The following RTN1 variants were observed in gnomAD, a reference collection of about 807,000 sequenced individuals.
RTN1 encodes reticulon-1.
A neutral mutation model predicts 65.5 loss-of-function variants in RTN1; 25 were observed. The ratio of observed to expected loss-of-function variants is 0.38; its 90% confidence interval spans 0.28 to 0.53. The LOEUF (loss-of-function observed/expected upper bound fraction) is 0.53. Among genes scored for constraint, RTN1 ranks in the 20% least tolerant of loss-of-function variants. The probability of loss-of-function intolerance (pLI) is 0.79; values close to 1 mark genes in which losing one functional copy is unlikely to be tolerated. For missense variants in RTN1, 983 were observed against 1,025.4 expected (o/e 0.96, Z 0.57); for synonymous variants, 471 against 447.6 (o/e 1.05, Z -0.66).
intron 3 of RTN1, among the ~76,000 whole-genome samples, chr14:59,612,329 T>C (rs1881975853): frequency 1.3e-5 from 2 of 152,138 alleles, no homozygotes; most frequent in African/African-American, 4.8e-5. Flanking sequence ...CACTCCATTC[T>C]TCTGGAAGCT....
chr14:59,823,534 C>T (rs1173338566), intron 1 of RTN1, among the ~76,000 whole-genome samples: 1 of 152,004 alleles, frequency 6.6e-6, no homozygotes, highest in Admixed American at 6.6e-5. Flanking sequence ...ACTTATGAAG[C>T]TTAGTCTGGT....
chr14:59,781,919 T>C (rs757306711), intron 1 of RTN1, among the ~76,000 whole-genome samples: 4 of 152,148 alleles, frequency 2.6e-5, no homozygotes, highest in Non-Finnish European at 5.9e-5. Flanking sequence ...GTGACCTGTA[T>C]GTTTGTGTGT....
intron 3 of RTN1, among the ~76,000 whole-genome samples, chr14:59,713,762 GACA>G (rs548688555): frequency 2.2e-3 from 332 of 152,230 alleles, no homozygotes; most frequent in African/African-American, 7.4e-3. Flanking sequence ...AGTTTTTAAT[GACA>G]ACATTTCAGG....
At chr14:59,746,518 C>A (rs375663465) in intron 1 of RTN1, 37 bp from the exon 2 acceptor site, 5 of 1,524,522 alleles carry the variant, frequency 3.3e-6, no homozygotes, top group Admixed American at 2.0e-5. Context: ...TGAGTGGGTG[C>A]TTGGCGTCAG....
intron 1 of RTN1, among the ~76,000 whole-genome samples, chr14:59,756,897 T>C (rs111585609): frequency 0.016 from 2,354 of 148,970 alleles, 61 homozygotes; most frequent in African/African-American, 0.056. Context: ...CCATCATGAC[T>C]CCTGCAGCCT....
chr14:59,771,768 T>C (rs564634967), intron 1 of RTN1, among the ~76,000 whole-genome samples: 1 of 152,234 alleles, frequency 6.6e-6, no homozygotes, highest in Non-Finnish European at 1.5e-5. Flanking sequence ...ATTATCCTTA[T>C]CAGTAAATAG....
At chr14:59,741,026 AG>A (rs1885106046) in intron 2 of RTN1, among the ~76,000 whole-genome samples, 1 of 152,222 alleles carries the variant, frequency 6.6e-6, no homozygotes, top group Admixed American at 6.6e-5. Context: ...GGGCTATTTT[AG>A]TAAGTTGCAG....
At chr14:59,616,168 T>C (rs1454876288) in intron 3 of RTN1, among the ~76,000 whole-genome samples, 1 of 152,170 alleles carries the variant, frequency 6.6e-6, no homozygotes, top group Admixed American at 6.5e-5. Context: ...TTGGTCTATA[T>C]TTGTGTAAAT....
In RTN1 at chr14:59,869,714, C is replaced by A. The variant is rs796767137; in HGVS notation, c.241+676G>T. On this transcript the variant is annotated intron_variant, in intron 1 of 8. Coordinates refer to ENST00000267484, the MANE Select transcript of RTN1 (RefSeq NM_021136.3). The stretch of plus-strand genomic sequence containing the variant: ...AATGCTCCCTGCAAGGTGGGGCCAT[C>A]CGGGCAGCGGCGAAATACAGGTTTT... Among the ~76,000 whole-genome samples, 15 of 152,236 alleles carry A rather than the reference C, an allele frequency of 9.9e-5. 1 individual carries two copies. Among genetic ancestry groups the A allele is most frequent in the African/African-American group, 3.4e-4 (14 of 41,548 alleles).
At chr14:59,748,377 G>C (rs12588565) in intron 1 of RTN1, among the ~76,000 whole-genome samples, 69,883 of 151,564 alleles carry the variant, frequency 0.46, 17,970 homozygotes, top group African/African-American at 0.7. Flanking sequence ...TACCTCAGCG[G>C]CTTTGCACTA....
intron 3 of RTN1, 189 bp from the exon 4 acceptor site, chr14:59,607,681 T>C: frequency 1.7e-6 from 1 of 604,772 alleles, no homozygotes; most frequent in East Asian, 2.8e-5. Flanking sequence ...TGGAAGAATC[T>C]TTTCCACCCT....
chr14:59,728,803 G>A (rs1011504756), intron 2 of RTN1, among the ~76,000 whole-genome samples: 2 of 152,120 alleles, frequency 1.3e-5, no homozygotes, highest in Admixed American at 1.3e-4. Context: ...TCATTCATCT[G>A]TTATTTATTG....
At chr14:59,867,111 G>C (rs1485630973) in intron 1 of RTN1, among the ~76,000 whole-genome samples, 1 of 152,142 alleles carries the variant, frequency 6.6e-6, no homozygotes, top group African/African-American at 2.4e-5. Context: ...ATATTAAGCA[G>C]TCAATGAGTT....
intron 3 of RTN1, among the ~76,000 whole-genome samples, chr14:59,716,719 A>C (rs995546965): frequency 6.6e-6 from 1 of 151,912 alleles, no homozygotes; most frequent in African/African-American, 2.4e-5. Context: ...GCACTTTGGG[A>C]GGCCAAAGCG....
rs1285626066 is a variant in RTN1 at position 59,607,334 on chromosome 14, T to C, written c.1924A>G (p.Lys642Glu). The change falls in exon 4 of 9, where the codon AAG (lysine) becomes GAG (glutamate). Residue 642 changes from lysine (K) to glutamate (E), a missense_variant. Transcript: ENST00000267484. ...TTCTGCACTGCTTGTAAAACAGACT[T>C]GTAGATGCGGAAACTGATGGTGGCT... The part of the protein sequence containing the change: ...LSATISFRIY[K>E]SVLQAVQKTD... 3 of 1,614,036 alleles carry C rather than the reference T, an allele frequency of 1.9e-6. No individual in the cohort carries two copies. The Admixed American group carries it at 5.0e-5, about 27-fold the overall frequency.
chr14:59,854,311 C>T (rs549027105), intron 1 of RTN1, among the ~76,000 whole-genome samples: 41 of 152,182 alleles, frequency 2.7e-4, no homozygotes, highest in African/African-American at 8.9e-4. Context: ...CAAGCTAATT[C>T]CTTATTTAAT....
intron 1 of RTN1, among the ~76,000 whole-genome samples, chr14:59,823,074 G>A (rs900681886): frequency 6.6e-6 from 1 of 151,998 alleles, no homozygotes; most frequent in Non-Finnish European, 1.5e-5. Flanking sequence ...TTCTACCTCA[G>A]TGATCTGTCT....
intron 3 of RTN1, among the ~76,000 whole-genome samples, chr14:59,692,361 G>T (rs915632848): frequency 2.6e-5 from 4 of 151,980 alleles, no homozygotes. Flanking sequence ...AACCAAAAAG[G>T]TGAAAGATCT....
At chr14:59,767,794 C>T (rs984488183) in intron 1 of RTN1, among the ~76,000 whole-genome samples, 6 of 152,308 alleles carry the variant, frequency 3.9e-5, no homozygotes, top group Middle Eastern at 3.4e-3. Flanking sequence ...GTTTTCATTG[C>T]TTTGTTCTTC....
Sources: allele counts gnomAD v4.1 joint callset (sites outside exome capture counted in the v4.1 genomes callset), GRCh38; gene constraint gnomAD v4.1.1; transcripts MANE v1.5; gene names NCBI Gene and HGNC (gene_info 2026-07-23, HGNC 2026-07-21).